The following GLIS1 variants were observed in gnomAD, a reference collection of about 807,000 sequenced individuals.
The protein encoded by GLIS1 is zinc finger protein GLIS1.
GLIS1 carries 24 observed loss-of-function variants against 63.8 expected under a neutral mutation model. The ratio of observed to expected loss-of-function variants is 0.38; its 90% CI spans 0.27 to 0.53. The LOEUF (loss-of-function observed/expected upper bound fraction) is 0.53. Ranked by LOEUF, GLIS1 falls within the 20% of genes least tolerant of loss-of-function variation. The pLI is 0.85. For missense variants in GLIS1, 1,036 were observed against 1,074.1 expected (o/e 0.96, Z 0.50); for synonymous variants, 450 against 482.5 (o/e 0.93, Z 0.88).
intron 4 of GLIS1, among the ~76,000 whole-genome samples, chr1:53,530,178 G>C (rs985347032): frequency 6.6e-6 from 1 of 152,230 alleles, no homozygotes; most frequent in Non-Finnish European, 1.5e-5. Flanking sequence ...GAAATAGGGC[G>C]TGAGGGCTGG....
intron 2 of GLIS1, among the ~76,000 whole-genome samples, chr1:53,618,473 G>GA (rs1265708249): frequency 6.6e-6 from 1 of 152,188 alleles, no homozygotes; most frequent in Non-Finnish European, 1.5e-5. Context: ...CAAGAGACAG[G>GA]AGGTGGAAAC....
intron 4 of GLIS1, among the ~76,000 whole-genome samples, chr1:53,578,183 G>C (rs1302019823): frequency 5.3e-5 from 8 of 152,182 alleles, no homozygotes; most frequent in African/African-American, 1.9e-4. Flanking sequence ...AAGACAGGCT[G>C]CTTGCTATAG....
At chr1:53,620,313 T>C (rs1481872098) in intron 2 of GLIS1, among the ~76,000 whole-genome samples, 2 of 152,166 alleles carry the variant, frequency 1.3e-5, no homozygotes, top group Admixed American at 6.5e-5. Context: ...AGACCAGCGC[T>C]GACATCGCAG....
At chr1:53,593,700 AG>A (rs772033282) in intron 4 of GLIS1, among the ~76,000 whole-genome samples, 1 of 152,198 alleles carries the variant, frequency 6.6e-6, no homozygotes, top group Non-Finnish European at 1.5e-5. Context: ...GGTGGTGGTG[AG>A]GGCCCAGCGC....
At chr1:53,517,220 C>T (rs1644361577) in intron 7 of GLIS1, among the ~76,000 whole-genome samples, 1 of 152,026 alleles carries the variant, frequency 6.6e-6, no homozygotes. Context: ...GGTCTGGATA[C>T]CCAGCTGAGG....
At chr1:53,736,393 C>G (rs910085753) in intron 2 of GLIS1, among the ~76,000 whole-genome samples, 1 of 152,116 alleles carries the variant, frequency 6.6e-6, no homozygotes, top group Non-Finnish European at 1.5e-5. Flanking sequence ...GCAGAGAACT[C>G]GATCTTCAGA....
chr1:53,552,583 C>A (rs1227193033), intron 4 of GLIS1, among the ~76,000 whole-genome samples: 4 of 152,224 alleles, frequency 2.6e-5, no homozygotes, highest in Non-Finnish European at 4.4e-5. Context: ...TGACCACAAC[C>A]AGTTCTTGGA....
chr1:53,600,612 A>G (rs1645307081), intron 2 of GLIS1, among the ~76,000 whole-genome samples: 1 of 152,184 alleles, frequency 6.6e-6, no homozygotes, highest in African/African-American at 2.4e-5. Context: ...AGTCTCTTGG[A>G]ACGTACAGTG....
At chr1:53,595,521 G>A (rs1372015138) in intron 3 of GLIS1, among the ~76,000 whole-genome samples, 1 of 152,016 alleles carries the variant, frequency 6.6e-6, no homozygotes, top group East Asian at 1.9e-4. Context: ...CAGGAAGGAG[G>A]ACCTTGCATC....
intron 2 of GLIS1, among the ~76,000 whole-genome samples, chr1:53,682,896 C>T (rs974520816): frequency 2.6e-5 from 4 of 152,196 alleles, no homozygotes; most frequent in African/African-American, 9.7e-5. Flanking sequence ...ATCAAGGAAC[C>T]ATACAAATAA....
At chr1:53,595,831 C>G (rs182047825) in intron 3 of GLIS1, among the ~76,000 whole-genome samples, 3 of 152,336 alleles carry the variant, frequency 2.0e-5, no homozygotes, top group Admixed American at 1.3e-4. Flanking sequence ...GTCTGAAGTG[C>G]AGTCCTGGTG....
chr1:53,653,051 C>T (rs1645925748), intron 2 of GLIS1, among the ~76,000 whole-genome samples: 1 of 152,232 alleles, frequency 6.6e-6, no homozygotes, highest in Non-Finnish European at 1.5e-5. Context: ...TGTCTCTCAA[C>T]ACATTCTGAT....
chr1:53,552,386 C>T (rs941073102), intron 4 of GLIS1, among the ~76,000 whole-genome samples: 2 of 152,190 alleles, frequency 1.3e-5, no homozygotes, highest in African/African-American at 2.4e-5. Context: ...AGCCAGCTCC[C>T]GCCAGGCCTT....
At chr1:53,548,432 C>T (rs947337484) in intron 4 of GLIS1, among the ~76,000 whole-genome samples, 3 of 152,224 alleles carry the variant, frequency 2.0e-5, no homozygotes, top group Non-Finnish European at 2.9e-5. Context: ...CACGCATGGA[C>T]GCCTGCTCCA....
chr1:53,608,495 A>G (rs1645394342), intron 2 of GLIS1, among the ~76,000 whole-genome samples: 1 of 152,142 alleles, frequency 6.6e-6, no homozygotes, highest in Non-Finnish European at 1.5e-5. Context: ...ATATCTAGCT[A>G]TGGAGCTTGA....
chr1:53,615,535 T>G (rs1028482096), intron 2 of GLIS1, among the ~76,000 whole-genome samples: 4 of 152,148 alleles, frequency 2.6e-5, no homozygotes, highest in African/African-American at 9.6e-5. Context: ...ATTTAACATA[T>G]TTCTGTATCT....
chr1:53,736,319 A>G (rs1023169971), intron 2 of GLIS1, among the ~76,000 whole-genome samples: 16 of 152,236 alleles, frequency 1.1e-4, no homozygotes, highest in Admixed American at 1.0e-3. Context: ...CAAAGCCCCC[A>G]GGTGAAAGGT....
intron 4 of GLIS1, among the ~76,000 whole-genome samples, chr1:53,540,706 A>C (rs1557439993): frequency 6.6e-6 from 1 of 152,032 alleles, no homozygotes; most frequent in African/African-American, 2.4e-5. Flanking sequence ...CCTGAGCTTC[A>C]CCCCGAGCTG....
chr1:53,607,903 T>C (rs372164212), intron 2 of GLIS1, among the ~76,000 whole-genome samples: 4 of 151,688 alleles, frequency 2.6e-5, no homozygotes, highest in African/African-American at 9.7e-5. Flanking sequence ...TGTCCTCACA[T>C]GGCCTTTCCT....
Sources: allele counts gnomAD v4.1 joint callset (sites outside exome capture counted in the v4.1 genomes callset), GRCh38; gene constraint gnomAD v4.1.1; transcripts MANE v1.5; gene names NCBI Gene and HGNC (gene_info 2026-07-23, HGNC 2026-07-21).